PDE4D: variants seen among roughly 807,000 people sequenced by gnomAD.
The protein encoded by PDE4D is phosphodiesterase 4D.
A neutral mutation model predicts 87.4 loss-of-function variants in PDE4D; 24 were observed. That is an observed-to-expected ratio of 0.27 (90% CI 0.20 to 0.39). The LOEUF is 0.39. Ranked by LOEUF, PDE4D falls within the 10% of genes least tolerant of loss-of-function variation. The pLI, the probability that PDE4D is intolerant of heterozygous loss-of-function variation, is 1.00. For missense variants in PDE4D, 714 were observed against 1,041.0 expected, an observed-to-expected ratio of 0.69 and a Z score of 4.32; for synonymous variants, 384 against 383.2, an observed-to-expected ratio of 1.00 and a Z score of -0.02.
In PDE4D at chr5:58,975,753, C is replaced by T. The variant is rs376541855; in HGVS notation, c.1917G>A (p.Met639Ile). The stretch of plus-strand genomic sequence containing the variant: ...GGTCTCCTTGGCGGAAGAACTCCTC[C>T]ATTATCCGGTCCGTCCACTGGCGGT... ...QLYRQWTDRI[M>I]EEFFRQGDRE... is the part of the protein sequence containing the mutation. The change falls in exon 14 of 15, where the codon ATG becomes ATA. Residue 639 changes from methionine (M) to isoleucine (I), a missense_variant. Physicochemically the swap from Met to Ile is conservative, Grantham distance 10 (BLOSUM62 1). This residue lies in a region of PDE4D where 97 missense variants were observed against 176.9 expected (regional missense o/e 0.55). Transcript: ENST00000340635. The surrounding 1 kb of genome is among the most constrained non-coding windows in gnomAD (Gnocchi z 4.2). The T allele has an allele frequency of 1.2e-6, 2 of 1,613,242 alleles. No individual in the cohort carries two copies. Among genetic ancestry groups the T allele is most frequent in the Non-Finnish European group, 1.7e-6 (2 of 1,179,534 alleles).
At chr5:59,823,550 C>T (rs539947930) in intron 1 of PDE4D, among the ~76,000 whole-genome samples, 239 of 152,142 alleles carry the variant, frequency 1.6e-3, no homozygotes, top group Admixed American at 3.5e-3. Flanking sequence ...CCCTTGTCTG[C>T]GATTCAACAC....
chr5:59,912,207 C>G (rs1281602374), intron 3 of PDE4D, among the ~76,000 whole-genome samples: 1 of 152,106 alleles, frequency 6.6e-6, no homozygotes, highest in African/African-American at 2.4e-5. Context: ...GAAACCAATC[C>G]CAATGACAGA....
chr5:60,284,432 T>G (rs1434556595), intron 1 of PDE4D, among the ~76,000 whole-genome samples: 3 of 152,148 alleles, frequency 2.0e-5, no homozygotes, highest in Non-Finnish European at 4.4e-5. Context: ...GTCACCAGAC[T>G]TCACCCCAAA....
chr5:59,894,552 G>A (rs897029104), upstream of PDE4D, among the ~76,000 whole-genome samples: 1 of 152,152 alleles, frequency 6.6e-6, no homozygotes, highest in African/African-American at 2.4e-5. Flanking sequence ...GGTCCTCGCT[G>A]GAAATCAAGG....
chr5:60,084,787 T>C (rs974045944), intron 2 of PDE4D, among the ~76,000 whole-genome samples: 5 of 152,226 alleles, frequency 3.3e-5, no homozygotes, highest in African/African-American at 9.6e-5. Context: ...ACATAGTTTC[T>C]GTCCTGGTGG....
chr5:60,278,546 A>G (rs1220626443), intron 1 of PDE4D, among the ~76,000 whole-genome samples: 1 of 151,984 alleles, frequency 6.6e-6, no homozygotes, highest in Non-Finnish European at 1.5e-5. Flanking sequence ...CTTTTGTTAT[A>G]ATTACATGGG....
intron 1 of PDE4D, among the ~76,000 whole-genome samples, chr5:59,481,261 T>C (rs1312573851): frequency 6.6e-6 from 1 of 152,064 alleles, no homozygotes; most frequent in Non-Finnish European, 1.5e-5. Flanking sequence ...TATTGGATTT[T>C]AATGACAGTG....
chr5:60,108,583 G>A (rs563787660), intron 2 of PDE4D, among the ~76,000 whole-genome samples: 8 of 152,142 alleles, frequency 5.3e-5, no homozygotes, highest in Non-Finnish European at 7.3e-5. Context: ...CAAAGCTGGA[G>A]GCATCACGCT....
At chr5:59,365,902 C>G (rs749194033) in intron 1 of PDE4D, among the ~76,000 whole-genome samples, 1 of 152,036 alleles carries the variant, frequency 6.6e-6, no homozygotes, top group African/African-American at 2.4e-5. Context: ...AATAAGCATG[C>G]CTTAGTAGGG....
At chr5:60,324,261 C>T (rs1014144854) in intron 1 of PDE4D, among the ~76,000 whole-genome samples, 10 of 152,150 alleles carry the variant, frequency 6.6e-5, no homozygotes, top group East Asian at 5.8e-4. Context: ...TGAATATTTT[C>T]GAGACTGTAA....
At chr5:59,543,117 C>A (rs552087748) in intron 1 of PDE4D, among the ~76,000 whole-genome samples, 14 of 152,134 alleles carry the variant, frequency 9.2e-5, no homozygotes, top group Non-Finnish European at 1.8e-4. Context: ...TAGCCAGCTG[C>A]ATAATTTGAG....
intron 1 of PDE4D, among the ~76,000 whole-genome samples, chr5:59,485,793 CAA>C (rs1805033043): frequency 6.6e-6 from 1 of 152,016 alleles, no homozygotes; most frequent in South Asian, 2.1e-4. Flanking sequence ...AAATACTGCA[CAA>C]AGAGAGAGAA....
intron 1 of PDE4D, among the ~76,000 whole-genome samples, chr5:60,189,867 A>T (rs1003515520): frequency 2.0e-5 from 3 of 152,212 alleles, no homozygotes; most frequent in Non-Finnish European, 4.4e-5. Context: ...AAGGGAAAGA[A>T]TTGTTTGGGT....
intron 1 of PDE4D, among the ~76,000 whole-genome samples, chr5:60,325,068 G>A (rs185759681): frequency 1.4e-4 from 22 of 152,310 alleles, no homozygotes; most frequent in Admixed American, 1.2e-3. Flanking sequence ...CATTGGGGCA[G>A]TCATGGAACT....
intron 2 of PDE4D, among the ~76,000 whole-genome samples, chr5:60,182,751 G>A (rs1294847386): frequency 1.3e-5 from 2 of 152,104 alleles, no homozygotes; most frequent in East Asian, 3.9e-4. Context: ...GTGGTGGCGG[G>A]CACGTGTAGT....
intron 1 of PDE4D, among the ~76,000 whole-genome samples, chr5:59,542,774 C>A (rs1183717813): frequency 2.6e-5 from 4 of 152,086 alleles, no homozygotes; most frequent in Non-Finnish European, 5.9e-5. Flanking sequence ...TAGAATTTGA[C>A]ATCTTGTTGA....
intron 1 of PDE4D, among the ~76,000 whole-genome samples, chr5:59,470,884 A>G (rs1213369049): frequency 6.6e-6 from 1 of 152,200 alleles, no homozygotes; most frequent in African/African-American, 2.4e-5. Flanking sequence ...AAAAAAAATC[A>G]GTCCTAATAT....
At chr5:60,185,502 T>C (rs1784708151) in intron 2 of PDE4D, 2 of 1,221,514 alleles carry the variant, frequency 1.6e-6, no homozygotes, top group Non-Finnish European at 2.3e-6. Context: ...AAACCAAAAC[T>C]AAAATGTTAT....
intron 1 of PDE4D, among the ~76,000 whole-genome samples, chr5:60,459,696 T>C (rs751626993): frequency 5.3e-5 from 8 of 152,166 alleles, no homozygotes; most frequent in African/African-American, 1.9e-4. Context: ...TTTCCCATTG[T>C]ATTCTGCAAT....
Sources: gnomAD v4.1 joint callset for allele counts (sites outside exome capture counted in the v4.1 genomes callset) on GRCh38, gnomAD v4.1.1 for gene constraint, gnomAD v4.1.1 regional missense constraint, Gnocchi (gnomAD v3.1) non-coding constraint, MANE v1.5 for transcripts, NCBI Gene and HGNC (gene_info 2026-07-23, HGNC 2026-07-21) for gene names.